Variants in TRIM55 observed in about 807,000 individuals in gnomAD.
TRIM55 encodes tripartite motif-containing protein 55.
In TRIM55, 50 loss-of-function variants were observed where a neutral mutation model predicts 60.9. That is an observed-to-expected ratio of 0.82 (90% confidence interval 0.65 to 1.04). TRIM55 has a LOEUF of 1.04. Ranked by LOEUF, TRIM55 falls within the 50% of genes least tolerant of loss-of-function variation. TRIM55 has a pLI of 0.00. For missense variants in TRIM55, 681 were observed against 666.9 expected (o/e 1.02, Z -0.23); for synonymous variants, 237 against 238.1 (o/e 1.00, Z 0.04).
chr8:66,139,155 A>T (rs1295406785), intron 4 of TRIM55, among the ~76,000 whole-genome samples: 1 of 152,200 alleles, frequency 6.6e-6, no homozygotes, highest in Non-Finnish European at 1.5e-5. Flanking sequence ...GGCAAAATAC[A>T]ATTTGGTCAT....
At chr8:66,116,672 T>C in the TRIM55 span, among the ~76,000 whole-genome samples, 1 of 69,192 alleles carries the variant, frequency 1.4e-5, no homozygotes, top group Non-Finnish European at 2.3e-5. Context: ...ACAACAGTAA[T>C]GATCTCTCAT....
chr8:66,167,322 CT>C (rs1811382512), intron 9 of TRIM55, among the ~76,000 whole-genome samples: 1 of 152,176 alleles, frequency 6.6e-6, no homozygotes, highest in African/African-American at 2.4e-5. Flanking sequence ...TAAGAAACCC[CT>C]GTCTGTGAAG....
intron 7 of TRIM55, among the ~76,000 whole-genome samples, chr8:66,151,890 AAAT>A: frequency 6.8e-6 from 1 of 146,814 alleles, no homozygotes; most frequent in South Asian, 2.1e-4. Flanking sequence ...ATAAATAAAT[AAAT>A]AAAAGAGTCG....
At chr8:66,122,457 T>G (rs1170355205), upstream of TRIM55, among the ~76,000 whole-genome samples, 2 of 152,146 alleles carry the variant, frequency 1.3e-5, no homozygotes, top group Non-Finnish European at 2.9e-5. Flanking sequence ...CCCTAGAATG[T>G]ATAAAAACAA....
chr8:66,133,001 G>T (rs1236434363), intron 2 of TRIM55, among the ~76,000 whole-genome samples: 1 of 152,144 alleles, frequency 6.6e-6, no homozygotes, highest in Non-Finnish European at 1.5e-5. Flanking sequence ...GTTGATATCA[G>T]AACAGCATGT....
At chr8:66,172,951 A>T (rs1031952735) in intron 9 of TRIM55, among the ~76,000 whole-genome samples, 1 of 152,180 alleles carries the variant, frequency 6.6e-6, no homozygotes, top group African/African-American at 2.4e-5. Context: ...TAAGCCATAC[A>T]TGAGACTTAA....
chr8:66,164,098 C>T (rs1049753758), intron 9 of TRIM55, among the ~76,000 whole-genome samples: 1 of 151,830 alleles, frequency 6.6e-6, no homozygotes, highest in Admixed American at 6.6e-5. Context: ...CATTCACATA[C>T]AACATCTTCC....
upstream of TRIM55, among the ~76,000 whole-genome samples, chr8:66,123,876 T>C (rs1345135602): frequency 6.6e-6 from 1 of 152,184 alleles, no homozygotes; most frequent in East Asian, 1.9e-4. Flanking sequence ...AAATTCTGTT[T>C]CAGAGGTTTT....
chr8:66,128,844 G>GA (rs111916421), intron 2 of TRIM55, among the ~76,000 whole-genome samples: 9 of 151,150 alleles, frequency 6.0e-5, no homozygotes, highest in South Asian at 4.2e-4. Context: ...ACAAAGCAAA[G>GA]AAAAAAAAAT....
At chr8:66,114,175 C>T in the TRIM55 span, among the ~76,000 whole-genome samples, 1,813 of 147,396 alleles carry the variant, frequency 0.012, 18 homozygotes, top group Non-Finnish European at 0.022. Context: ...AGATAATAAG[C>T]CGTGCCCAGC....
chr8:66,137,354 A>G (rs1028080215), intron 4 of TRIM55, among the ~76,000 whole-genome samples, 164 bp downstream of exon 4: 1 of 152,234 alleles, frequency 6.6e-6, no homozygotes, highest in Non-Finnish European at 1.5e-5. Flanking sequence ...TCCTGCACAG[A>G]AAGAGACATT....
chr8:66,172,290 A>G (rs1437329765), intron 9 of TRIM55, among the ~76,000 whole-genome samples: 1 of 152,226 alleles, frequency 6.6e-6, no homozygotes, highest in Non-Finnish European at 1.5e-5. Flanking sequence ...ATTCAAAACT[A>G]GGCTAAGCCT....
At position 66,128,339 on chromosome 8, in the gene TRIM55, C is replaced by A; in HGVS notation, c.204C>A (p.Thr68=). The A allele has an allele frequency of 1.2e-6, 2 of 1,612,594 alleles. No individual in the cohort carries two copies. Among genetic ancestry groups the A allele is most frequent in the Middle Eastern group, 1.7e-4 (1 of 6,058 alleles). The change falls in exon 2 of 10, where the codon ACC becomes ACA. Residue 68 remains threonine, a synonymous_variant. Coordinates refer to ENST00000315962, the MANE Select transcript of TRIM55 (RefSeq NM_184085.2). ...CGTATTTGCCCACAAGAGGAGGTAC[C>A]ACCATGGCATCAGGGGGCCGATTCC... The part of the protein sequence containing the change: ...SNPYLPTRGG[T]TMASGGRFRC...
At chr8:66,153,994 C>G in intron 8 of TRIM55, 53 bp from the exon 9 acceptor site, 1 of 1,522,604 alleles carries the variant, frequency 6.6e-7, no homozygotes, top group Non-Finnish European at 8.8e-7. Context: ...GCTTTTTCTT[C>G]TTCTTCTTCT....
At chr8:66,156,236 C>T (rs1257522991) in intron 9 of TRIM55, among the ~76,000 whole-genome samples, 3 of 152,146 alleles carry the variant, frequency 2.0e-5, no homozygotes, top group Non-Finnish European at 4.4e-5. Context: ...TCTCTTTGAA[C>T]CCTCAGACTC....
At chr8:66,130,991 A>G (rs1331055846) in intron 2 of TRIM55, among the ~76,000 whole-genome samples, 1 of 152,060 alleles carries the variant, frequency 6.6e-6, no homozygotes, top group East Asian at 1.9e-4. Flanking sequence ...AGAATTCTGC[A>G]TGGTGCCAGA....
chr8:66,145,614 C>G (rs1030391563), intron 4 of TRIM55, among the ~76,000 whole-genome samples: 1 of 151,906 alleles, frequency 6.6e-6, no homozygotes, highest in African/African-American at 2.4e-5. Context: ...ATTTAAGATG[C>G]CTTGCCTTTA....
At chr8:66,131,908 T>A (rs995148151) in intron 2 of TRIM55, among the ~76,000 whole-genome samples, 1 of 152,252 alleles carries the variant, frequency 6.6e-6, no homozygotes, top group Non-Finnish European at 1.5e-5. Flanking sequence ...CTTTTTGTCC[T>A]TATTGATTTA....
rs1339642749 is a variant in TRIM55 at position 66,160,997 on chromosome 8, T to C, written c.1524+6663T>C. The stretch of plus-strand genomic sequence containing the variant: ...GTCTATTAACTCTGCTGATATTTCT[T>C]TGGCTGTGCAGAAGCTTTTTAGTTT... On this transcript the variant is annotated intron_variant, in intron 9 of 9. Transcript: ENST00000315962. Among the ~76,000 whole-genome samples, 3 of 152,154 alleles carry C rather than the reference T, an allele frequency of 2.0e-5. 1 individual carries two copies. Among genetic ancestry groups the C allele is most frequent in the African/African-American group, 7.2e-5 (3 of 41,450 alleles).
Sources: gnomAD v4.1 joint callset for allele counts (sites outside exome capture counted in the v4.1 genomes callset) on GRCh38, gnomAD v4.1.1 for gene constraint, MANE v1.5 for transcripts, NCBI Gene and HGNC (gene_info 2026-07-23, HGNC 2026-07-21) for gene names.